Variants in CWC25 observed in about 807,000 individuals in gnomAD.
CWC25 encodes the protein CWC25 spliceosome associated protein, also known as pre-mRNA-splicing factor CWC25 homolog.
Under a neutral mutation model 54.6 loss-of-function variants are expected in CWC25, and 31 were observed. The ratio of observed to expected loss-of-function variants is 0.57; its 90% CI spans 0.43 to 0.77. CWC25 has a LOEUF of 0.77. Among genes scored for constraint, CWC25 ranks in the 30% least tolerant of loss-of-function variants. The probability of loss-of-function intolerance (pLI) is 0.00; values close to 1 mark genes in which losing one functional copy is unlikely to be tolerated. For synonymous variants in CWC25, 151 were observed against 187.0 expected (o/e 0.81, Z 1.57); for missense variants, 453 against 529.3 (o/e 0.86, Z 1.41).
At chr17:38,815,206 T>G in intron 2 of CWC25, 109 bp from the exon 3 acceptor site, 1 of 940,638 alleles carries the variant, frequency 1.1e-6, no homozygotes, top group Non-Finnish European at 1.6e-6. Flanking sequence ...TAATCAGAGT[T>G]CATTCTACTG....
chr17:38,806,491 A>G, intron 7 of CWC25, 96 bp from the exon 8 acceptor site: 2 of 1,094,890 alleles, frequency 1.8e-6, no homozygotes, highest in Non-Finnish European at 2.7e-6. Flanking sequence ...TAATGGTCTT[A>G]GAGGTATAAT....
At position 38,810,512 on chromosome 17, in the gene CWC25, C is replaced by T. The variant is rs369087852; in HGVS notation, c.582G>A (p.Ser194=). 3 of 1,606,362 alleles carry T rather than the reference C, an allele frequency of 1.9e-6. No homozygotes were observed. Among genetic ancestry groups the T allele is most frequent in the Admixed American group, 1.7e-5 (1 of 58,984 alleles). The change falls in exon 5 of 10, where the codon TCG becomes TCA. Residue 194 remains serine (S), a synonymous_variant. Coordinates refer to ENST00000614790, the MANE Select transcript of CWC25 (RefSeq NM_017748.5). ...KKHKKHKHRS[S]SSDRSSSEDE... ...CCTCGCTGCTGGAACGATCACTACT[C>T]GAGCTTCTGTGCTTATGTTTCTTGT...
chr17:38,819,102 A>G (rs1911820777), intron 2 of CWC25, among the ~76,000 whole-genome samples: 1 of 152,144 alleles, frequency 6.6e-6, no homozygotes, highest in South Asian at 2.1e-4. Context: ...AGCTCACTGT[A>G]GCCTCGAACT....
intron 4 of CWC25, among the ~76,000 whole-genome samples, chr17:38,811,401 C>A (rs1433034089): frequency 6.6e-6 from 1 of 151,634 alleles, no homozygotes; most frequent in Non-Finnish European, 1.5e-5. Flanking sequence ...GGCATGGTAG[C>A]AGGCGCCTGT....
intron 1 of CWC25, among the ~76,000 whole-genome samples, chr17:38,822,709 A>G (rs945941090): frequency 2.0e-5 from 3 of 152,154 alleles, no homozygotes; most frequent in Admixed American, 6.6e-5. Flanking sequence ...GAGAAAGAAC[A>G]TAGCAATAAT....
intron 6 of CWC25, among the ~76,000 whole-genome samples, chr17:38,807,755 CAA>C (rs1408782738): frequency 5.0e-4 from 41 of 82,398 alleles, no homozygotes; most frequent in Non-Finnish European, 4.1e-4. Flanking sequence ...GACCCTGTCT[CAA>C]AAAAAAAAAA....
At chr17:38,825,132 C>T (rs1912091601) in intron 1 of CWC25, 34 bp downstream of exon 1, 1 of 1,494,370 alleles carries the variant, frequency 6.7e-7, no homozygotes, top group East Asian at 2.5e-5. Context: ...GTCCCGGCCT[C>T]AGTCCTCCCC....
intron 2 of CWC25, among the ~76,000 whole-genome samples, chr17:38,819,373 G>T (rs562973140): frequency 2.8e-4 from 38 of 135,434 alleles, no homozygotes; most frequent in African/African-American, 5.5e-4. Context: ...CTAATTTTTG[G>T]TTTTTTTTTT....
At chr17:38,812,256 G>A (rs942831586) in intron 4 of CWC25, among the ~76,000 whole-genome samples, 5 of 151,850 alleles carry the variant, frequency 3.3e-5, no homozygotes, top group Non-Finnish European at 7.4e-5. Flanking sequence ...TTTATACCAC[G>A]ACCAAGGGCA....
intron 8 of CWC25, among the ~76,000 whole-genome samples, chr17:38,805,228 T>C (rs1435162602): frequency 1.3e-5 from 2 of 152,062 alleles, no homozygotes; most frequent in Non-Finnish European, 2.9e-5. Context: ...TGAGCCAAGA[T>C]TGTGGCACTG....
chr17:38,809,426 C>CA (rs763244461), intron 6 of CWC25, among the ~76,000 whole-genome samples: 56,769 of 129,560 alleles, frequency 0.44, 13,036 homozygotes, highest in Middle Eastern at 0.58. Context: ...GACTCCGTCT[C>CA]AAAAAAAAAA....
At chr17:38,812,137 G>A (rs967716001) in intron 4 of CWC25, among the ~76,000 whole-genome samples, 2 of 151,754 alleles carry the variant, frequency 1.3e-5, no homozygotes, top group Non-Finnish European at 2.9e-5. Context: ...GGGTTTCTCC[G>A]TGTTGGTCAG....
At chr17:38,815,736 G>A (rs1238611357) in intron 2 of CWC25, 1 of 1,237,758 alleles carries the variant, frequency 8.1e-7, no homozygotes, top group Non-Finnish European at 1.0e-6. Context: ...TCATTTCCAA[G>A]ATGACCTAAA....
rs1371129432 is a variant in CWC25 at position 38,810,459 on chromosome 17, CATGCTCACCTCCCTGCACTG to C, written c.615_626+8del. ...CAACGAGAAGGGAGGCCAGTCGCCA[CATGCTCACCTCCCTGCACTG>C]TGCTCATCCTCGCTGCTGGAACGAT... On this transcript the variant is annotated splice_donor_variant and splice_donor_5th_base_variant and coding_sequence_variant and intron_variant, in exon 5 of 10. Coordinates refer to ENST00000614790, the MANE Select transcript of CWC25 (RefSeq NM_017748.5). LOFTEE classifies it high-confidence loss of function. The C allele has an allele frequency of 6.5e-7, 1 of 1,547,300 alleles. No homozygotes were observed. The highest frequency in any genetic ancestry group is 8.7e-7 in the Non-Finnish European group (1 of 1,148,020).
chr17:38,814,955 C>T lies in CWC25; in HGVS notation c.334G>A (p.Gly112Arg). Residue 112 changes from glycine (G) to arginine (R), a missense_variant, in exon 3 of 10, where the codon GGA becomes AGA. Coordinates refer to ENST00000614790, the MANE Select transcript of CWC25 (RefSeq NM_017748.5). ...EKEAGCSSET[G>R]LLPGSIFAPS... is the part of the protein sequence containing the mutation. ...GCAAAGATAGAGCCTGGGAGAAGTC[C>T]TGTTTCAGAAGAGCAGCCTGCCTCC... 2 of 1,613,774 alleles carry T rather than the reference C, an allele frequency of 1.2e-6. No homozygotes were observed. The highest frequency in any genetic ancestry group is 4.5e-5 in the East Asian group (2 of 44,854).
intron 2 of CWC25, among the ~76,000 whole-genome samples, chr17:38,818,481 A>T (rs1415414374): frequency 2.0e-5 from 3 of 147,310 alleles, no homozygotes; most frequent in Non-Finnish European, 4.5e-5. Flanking sequence ...AGTCCCAGCT[A>T]CTCAGGAGGC....
At chr17:38,825,099 AC>A in intron 1 of CWC25, 66 bp downstream of exon 1, 1 of 1,306,180 alleles carries the variant, frequency 7.7e-7, no homozygotes. Flanking sequence ...TCCTTCCTCT[AC>A]CCCCACCCCC....
At chr17:38,809,822 T>C (rs1191957274) in intron 5 of CWC25, 57 bp from the exon 6 acceptor site, 2 of 1,481,880 alleles carry the variant, frequency 1.3e-6, no homozygotes, top group African/African-American at 1.4e-5. Flanking sequence ...AGGTCCAATT[T>C]AAATATCTTA....
intron 9 of CWC25, 131 bp from the exon 10 acceptor site, chr17:38,802,337 A>G (rs970603512): frequency 9.5e-6 from 6 of 630,422 alleles, no homozygotes; most frequent in Non-Finnish European, 1.6e-5. Flanking sequence ...AAGCTCCCAT[A>G]GATAACTTTC....
Sources: gnomAD v4.1 joint callset for allele counts (sites outside exome capture counted in the v4.1 genomes callset) on GRCh38, gnomAD v4.1.1 for gene constraint, MANE v1.5 for transcripts, NCBI Gene and HGNC (gene_info 2026-07-23, HGNC 2026-07-21) for gene names.